Variants in SYNE1 observed in about 807,000 individuals in gnomAD.
The protein encoded by SYNE1 is nesprin-1.
Under a neutral mutation model 1,111.0 loss-of-function variants are expected in SYNE1, and 616 were observed. The ratio of observed to expected loss-of-function variants is 0.55; its 90% CI spans 0.52 to 0.59. The LOEUF (loss-of-function observed/expected upper bound fraction) is 0.59. Ranked by LOEUF, SYNE1 falls within the 20% of genes least tolerant of loss-of-function variation. The pLI, the probability that SYNE1 is intolerant of heterozygous loss-of-function variation, is 0.00. For missense variants in SYNE1, 10,006 were observed against 10,417.0 expected (o/e 0.96, Z 1.72); for synonymous variants, 3,855 against 3,825.8 (o/e 1.01, Z -0.28).
At chr6:152,262,488 C>T (rs1210115291) in intron 100 of SYNE1, among the ~76,000 whole-genome samples, 5 of 152,088 alleles carry the variant, frequency 3.3e-5, no homozygotes, top group African/African-American at 9.7e-5. Context: ...TGGCAAATAG[C>T]AGAAAAGTTA....
intron 91 of SYNE1, among the ~76,000 whole-genome samples, chr6:152,304,550 C>T (rs1055420484): frequency 2.6e-5 from 4 of 152,140 alleles, no homozygotes; most frequent in Admixed American, 6.5e-5. Flanking sequence ...TCTCGAACTC[C>T]TGATCTCAAG....
chr6:152,564,221 T>C (rs1402708633), intron 3 of SYNE1, among the ~76,000 whole-genome samples: 1 of 152,216 alleles, frequency 6.6e-6, no homozygotes, highest in Non-Finnish European at 1.5e-5. Flanking sequence ...AGCCTACTCA[T>C]GCCTATTAAA....
intron 128 of SYNE1, among the ~76,000 whole-genome samples, chr6:152,187,466 A>G (rs2813521): frequency 0.063 from 9,527 of 152,144 alleles, 470 homozygotes; most frequent in African/African-American, 0.14. Context: ...CACAATTGGC[A>G]GGGACATAAG....
intron 28 of SYNE1, among the ~76,000 whole-genome samples, chr6:152,448,667 C>T (rs1239124090): frequency 6.6e-6 from 1 of 152,096 alleles, no homozygotes; most frequent in African/African-American, 2.4e-5. Context: ...CATGGCAAAA[C>T]CCTACCTCTA....
intron 131 of SYNE1, among the ~76,000 whole-genome samples, chr6:152,161,485 C>CT (rs913966787): frequency 8.6e-5 from 13 of 151,770 alleles, no homozygotes; most frequent in South Asian, 2.1e-4. Flanking sequence ...ATTCTGAATG[C>CT]TTTTTTTAAA....
At chr6:152,234,262 A>G (rs1274721680) in intron 111 of SYNE1, among the ~76,000 whole-genome samples, 2 of 151,500 alleles carry the variant, frequency 1.3e-5, no homozygotes, top group Non-Finnish European at 2.9e-5. Flanking sequence ...TTTATTAAGT[A>G]TATCCACTGA....
intron 34 of SYNE1, among the ~76,000 whole-genome samples, chr6:152,433,176 C>T (rs1358495116): frequency 1.3e-5 from 2 of 151,588 alleles, no homozygotes; most frequent in Non-Finnish European, 2.9e-5. Context: ...GAAATAAACA[C>T]TCCAAGCCCC....
intron 3 of SYNE1, among the ~76,000 whole-genome samples, chr6:152,557,654 A>G (rs2099373083): frequency 6.6e-6 from 1 of 152,214 alleles, no homozygotes; most frequent in Non-Finnish European, 1.5e-5. Flanking sequence ...AGAAAGTGGG[A>G]TAATATAATC....
At chr6:152,256,571 A>G (rs1172951492) in intron 102 of SYNE1, 63 bp downstream of exon 102, 1 of 1,606,640 alleles carries the variant, frequency 6.2e-7, no homozygotes, top group Non-Finnish European at 8.5e-7. Flanking sequence ...GGCCAGGCAA[A>G]TCAATACAAG....
chr6:152,501,274 G>A (rs2099028328), intron 10 of SYNE1, among the ~76,000 whole-genome samples: 2 of 151,652 alleles, frequency 1.3e-5, no homozygotes, highest in South Asian at 2.1e-4. Context: ...CATGTCCGTT[G>A]TTTAAAAAAA....
At chr6:152,303,893 G>A (rs567113826) in intron 91 of SYNE1, among the ~76,000 whole-genome samples, 4 of 146,376 alleles carry the variant, frequency 2.7e-5, no homozygotes, top group Non-Finnish European at 6.0e-5. Context: ...TGCAAAACAC[G>A]TGTGCACATG....
In SYNE1 at chr6:152,215,126, C is replaced by T. The variant is rs73780851; in HGVS notation, c.22192-66G>A. The stretch of plus-strand genomic sequence containing the variant: ...AAAAAGTCAAAACTTTTTCAAAGTG[C>T]GCAGTGAATTTCTGATTTCAGGAAG... On this transcript the variant is annotated intron_variant, in intron 121 of 145. Coordinates refer to ENST00000367255, the MANE Select transcript of SYNE1 (RefSeq NM_182961.4). 2,701 of 1,573,350 alleles carry T rather than the reference C, an allele frequency of 1.7e-3. 33 individuals carry two copies. In the African/African-American group the frequency reaches 0.031, roughly 18 times the overall value.
At chr6:152,184,830 T>C (rs1451162069) in intron 128 of SYNE1, among the ~76,000 whole-genome samples, 1 of 152,116 alleles carries the variant, frequency 6.6e-6, no homozygotes, top group Non-Finnish European at 1.5e-5. Context: ...ATAAGGGCAA[T>C]GGCATCTTCC....
intron 130 of SYNE1, among the ~76,000 whole-genome samples, chr6:152,171,903 G>A (rs780421937): frequency 5.3e-5 from 8 of 152,138 alleles, no homozygotes; most frequent in Non-Finnish European, 1.0e-4. Flanking sequence ...TTTACTATCT[G>A]GTCCTCTACA....
Position 152,488,448 on chromosome 6 carries a change from C to A in SYNE1, c.995G>T (p.Arg332Ile), listed in dbSNP as rs148696187. Residue 332 changes from arginine (R) to isoleucine (I), a missense_variant, in exon 12 of 146, where the codon AGA becomes ATA. Arg to Ile is a moderately conservative substitution (Grantham distance 97, BLOSUM62 -3). Transcript: ENST00000367255. ...EMKVWIEQFE[R>I]DLTRAQMVES... ...CACCATCTGTGCTCTTGTCAAATCT[C>A]TCTCAAATTGTTCTATCCAAACTTT... 1 of 1,610,010 alleles carries A rather than the reference C, an allele frequency of 6.2e-7. No individual in the cohort carries two copies. Among genetic ancestry groups the A allele is most frequent in the Non-Finnish European group, 8.5e-7 (1 of 1,177,538 alleles).
chr6:152,143,013 T>A (rs534556883), intron 138 of SYNE1, among the ~76,000 whole-genome samples: 6 of 152,286 alleles, frequency 3.9e-5, no homozygotes, highest in African/African-American at 1.4e-4. Flanking sequence ...CTAGGGAAAA[T>A]TAACTGGTCA....
intron 3 of SYNE1, among the ~76,000 whole-genome samples, chr6:152,596,126 A>AAAAAAAAAAC (rs2099580683): frequency 6.7e-6 from 1 of 149,230 alleles, no homozygotes; most frequent in African/African-American, 2.5e-5. Flanking sequence ...AAAAAAAAAA[A>AAAAAAAAAAC]AGCCTCTTGT....
chr6:152,171,339 G>A (rs1299046800), intron 130 of SYNE1, among the ~76,000 whole-genome samples: 2 of 152,238 alleles, frequency 1.3e-5, no homozygotes, highest in African/African-American at 2.4e-5. Flanking sequence ...GTGTGCGTAC[G>A]TTTTCCACCC....
intron 5 of SYNE1, among the ~76,000 whole-genome samples, chr6:152,524,159 C>T (rs539879102): frequency 1.2e-4 from 19 of 152,194 alleles, no homozygotes; most frequent in African/African-American, 4.1e-4. Context: ...AACTTTTCCC[C>T]ATTCAGTATG....
Sources: gnomAD v4.1 joint callset for allele counts (sites outside exome capture counted in the v4.1 genomes callset) on GRCh38, gnomAD v4.1.1 for gene constraint, MANE v1.5 for transcripts, NCBI Gene and HGNC (gene_info 2026-07-23, HGNC 2026-07-21) for gene names.